GAP43: variants seen among roughly 807,000 people sequenced by gnomAD.
The protein encoded by GAP43 is neuromodulin.
In GAP43, 6 loss-of-function variants were observed where a neutral mutation model predicts 18.6. The ratio of observed to expected loss-of-function variants is 0.32; its 90% confidence interval spans 0.18 to 0.64. The LOEUF (loss-of-function observed/expected upper bound fraction) is 0.64. Ranked by LOEUF, GAP43 falls within the 30% of genes least tolerant of loss-of-function variation. GAP43 has a pLI of 0.78. For missense variants in GAP43, 292 were observed against 295.5 expected, an observed-to-expected ratio of 0.99 and a Z score of 0.09; for synonymous variants, 115 against 111.4, an observed-to-expected ratio of 1.03 and a Z score of -0.20.
intron 1 of GAP43, among the ~76,000 whole-genome samples, chr3:115,664,970 G>A (rs1297753790): frequency 6.6e-6 from 1 of 152,072 alleles, no homozygotes; most frequent in African/African-American, 2.4e-5. Context: ...AGGGAGAAAT[G>A]TACTTGCTCT....
chr3:115,712,496 G>A (rs971721433), intron 2 of GAP43, among the ~76,000 whole-genome samples: 9 of 152,122 alleles, frequency 5.9e-5, no homozygotes, highest in Non-Finnish European at 1.2e-4. Context: ...TTTCCTGAAG[G>A]TTGGATTAAA....
At position 115,642,763 on chromosome 3, in the gene GAP43, A is replaced by T. The variant is rs182055898; in HGVS notation, c.30+19044A>T. ...GCCTGCCACATAGTAAGCACTTAAC[A>T]TTAGTTATTACTTGTTATTGTTGAT... is the stretch of plus-strand genomic sequence containing the variant. On this transcript the variant is annotated intron_variant, in intron 1 of 2. Transcript: ENST00000305124. Among the ~76,000 whole-genome samples the T allele has an allele frequency of 1.2e-3, 178 of 152,210 alleles. 1 individual carries two copies. Among genetic ancestry groups the T allele is most frequent in the African/African-American group, 3.9e-3 (161 of 41,560 alleles).
chr3:115,687,680 T>C (rs1309007072), intron 2 of GAP43, among the ~76,000 whole-genome samples: 1 of 152,162 alleles, frequency 6.6e-6, no homozygotes, highest in African/African-American at 2.4e-5. Flanking sequence ...GTTCCTAGGA[T>C]TGGGGTCCTA....
In GAP43 at chr3:115,672,837, CT is replaced by C. The variant is rs889140221; in HGVS notation, c.31-3168del. Among the ~76,000 whole-genome samples, 18 of 147,710 alleles carry C rather than the reference CT, an allele frequency of 1.2e-4. 1 individual carries two copies. The highest frequency in any genetic ancestry group is 3.5e-4 in the Admixed American group (5 of 14,216). On this transcript the variant is annotated intron_variant, in intron 1 of 2. Transcript: ENST00000305124. ...ATCTGGAAAAACTTCTATTAATTGT[CT>C]TTTTTTTCCCAACTAATCTCTAAAA...
In GAP43 at chr3:115,644,915, A is replaced by G. The variant is rs544777074; in HGVS notation, c.30+21196A>G. On this transcript the variant is annotated intron_variant, in intron 1 of 2. Transcript: ENST00000305124. The surrounding 1 kb of genome is among the most constrained non-coding windows in gnomAD (Gnocchi z 4.2). Reference sequence around the variant, plus strand: ...GTGAGGTCATAGCTCTGCTAATGTAAGGTAACTTCAGCATGTCTGAATCCA... The same window carrying G: ...GTGAGGTCATAGCTCTGCTAATGTAGGGTAACTTCAGCATGTCTGAATCCA... 6.6e-6 allele frequency among the ~76,000 whole-genome samples: 1 copy of G among 151,934 alleles called. No homozygotes were observed. Among genetic ancestry groups the G allele is most frequent in the South Asian group, 2.1e-4 (1 of 4,820 alleles).
At chr3:115,698,210 TAA>T (rs369991584) in intron 2 of GAP43, among the ~76,000 whole-genome samples, 1,556 of 22,114 alleles carry the variant, frequency 0.07, 188 homozygotes, top group African/African-American at 0.24. Flanking sequence ...ATATATTATA[TAA>T]AATATATAAT....
At chr3:115,685,291 C>T (rs1222362139) in intron 2 of GAP43, among the ~76,000 whole-genome samples, 1 of 152,178 alleles carries the variant, frequency 6.6e-6, no homozygotes, top group African/African-American at 2.4e-5. Context: ...TGATTAATTT[C>T]ACTCCAGCCA....
chr3:115,698,671 G>A (rs2107366204), intron 2 of GAP43, among the ~76,000 whole-genome samples: 1 of 151,948 alleles, frequency 6.6e-6, no homozygotes, highest in South Asian at 2.1e-4. Context: ...AGGGTGTGGG[G>A]GTGTCAGTGC....
intron 1 of GAP43, among the ~76,000 whole-genome samples, chr3:115,651,450 T>C (rs1708517877): frequency 6.6e-6 from 1 of 152,236 alleles, no homozygotes; most frequent in Non-Finnish European, 1.5e-5. Flanking sequence ...TAAATTTTAC[T>C]ACCAGTTATC....
rs1709566040 is a variant in GAP43, at chr3:115,720,728, T to A, written c.629-66T>A. On this transcript the variant is annotated intron_variant, in intron 2 of 2. Coordinates refer to ENST00000305124, the MANE Select transcript of GAP43 (RefSeq NM_002045.4). ...AGAAGAAATGCATTGCACTGTTGTA[T>A]GAGCAGATAAGACAAAATACTAATT... is the stretch of plus-strand genomic sequence containing the variant. The A allele has an allele frequency of 8.9e-6, 9 of 1,007,708 alleles. No individual in the cohort carries two copies. The South Asian group carries it at 1.2e-4, about 14-fold the overall frequency. The allele number at this position is 1,007,708 out of a possible 1,614,324, so 62.4% of individuals were successfully genotyped here.
At chr3:115,708,935 G>A (rs1167170766) in intron 2 of GAP43, among the ~76,000 whole-genome samples, 4 of 129,614 alleles carry the variant, frequency 3.1e-5, no homozygotes, top group African/African-American at 1.2e-4. Context: ...TTGACAACTG[G>A]CTGGGTTTTT....
intron 1 of GAP43, among the ~76,000 whole-genome samples, chr3:115,650,448 A>C (rs1708507375): frequency 6.6e-6 from 1 of 152,114 alleles, no homozygotes; most frequent in Non-Finnish European, 1.5e-5. Context: ...GTCCATTAAG[A>C]GTTTATTTCG....
chr3:115,652,374 T>C (rs1433843303), intron 1 of GAP43, among the ~76,000 whole-genome samples: 1 of 123,950 alleles, frequency 8.1e-6, no homozygotes, highest in Non-Finnish European at 1.7e-5. Context: ...TTTTTTTTTT[T>C]TTTTTTTTTT....
chr3:115,631,916 C>T (rs897267814), intron 1 of GAP43, among the ~76,000 whole-genome samples: 4 of 152,128 alleles, frequency 2.6e-5, no homozygotes, highest in Non-Finnish European at 4.4e-5. Flanking sequence ...CCGGGCACGG[C>T]TCAGAGTAAA....
chr3:115,652,609 C>T (rs1216961032), intron 1 of GAP43, among the ~76,000 whole-genome samples: 1 of 152,022 alleles, frequency 6.6e-6, no homozygotes, highest in Non-Finnish European at 1.5e-5. Context: ...TGGTCTCAAA[C>T]TCCTAAGTTC....
rs537106907 is a variant in GAP43 at position 115,701,778 on chromosome 3, G to C, written c.629-19016G>C. Among the ~76,000 whole-genome samples, 35 of 152,112 alleles carry C rather than the reference G, an allele frequency of 2.3e-4. No homozygotes were observed. In the South Asian group the frequency reaches 4.8e-3, roughly 21 times the overall value. ...CTGTTTCCCATAATCATAAGCCTCA[G>C]ACATTCCACCCCGCCAACCTGTCCT... On this transcript the variant is annotated intron_variant, in intron 2 of 2. Coordinates refer to ENST00000305124, the MANE Select transcript of GAP43 (RefSeq NM_002045.4).
chr3:115,641,494 TTATACA>T (rs1708395109), intron 1 of GAP43, among the ~76,000 whole-genome samples: 1 of 121,856 alleles, frequency 8.2e-6, no homozygotes, highest in Admixed American at 9.0e-5. Context: ...TGTGCATATA[TTATACA>T]TATATATATT....
At chr3:115,659,910 C>T (rs771393354) in intron 1 of GAP43, among the ~76,000 whole-genome samples, 10 of 152,176 alleles carry the variant, frequency 6.6e-5, no homozygotes, top group Non-Finnish European at 1.3e-4. Flanking sequence ...CCCCCTCCCC[C>T]GCAACTAGGA....
chr3:115,710,960 T>C (rs1709429412), intron 2 of GAP43, among the ~76,000 whole-genome samples: 2 of 152,192 alleles, frequency 1.3e-5, no homozygotes, highest in African/African-American at 4.8e-5. Context: ...TGTTTTTGGG[T>C]TTTGAATGTC....
Sources: allele counts gnomAD v4.1 joint callset (sites outside exome capture counted in the v4.1 genomes callset), GRCh38; gene constraint gnomAD v4.1.1; non-coding constraint Gnocchi (gnomAD v3.1); transcripts MANE v1.5; gene names NCBI Gene and HGNC (gene_info 2026-07-23, HGNC 2026-07-21).